The following LMNB1 variants were observed in gnomAD, a reference collection of about 807,000 sequenced individuals.
The protein encoded by LMNB1 is lamin-B1.
A neutral mutation model predicts 67.1 loss-of-function variants in LMNB1; 23 were observed. The ratio of observed to expected loss-of-function variants is 0.34; its 90% confidence interval spans 0.25 to 0.49. The LOEUF (loss-of-function observed/expected upper bound fraction) is 0.49, where lower values mean the gene tolerates loss of function less well. LMNB1 is among the 20% of genes least tolerant of loss of function. LMNB1 has a pLI of 0.99. For missense variants in LMNB1, 634 were observed against 746.5 expected (o/e 0.85, Z 1.76); for synonymous variants, 281 against 282.9 (o/e 0.99, Z 0.07).
chr5:126,801,818 A>G (rs1279598865), intron 1 of LMNB1, among the ~76,000 whole-genome samples: 3 of 152,252 alleles, frequency 2.0e-5, no homozygotes, highest in African/African-American at 7.2e-5. Context: ...GTACCACATT[A>G]TGACCTGAGC....
At chr5:126,833,810 A>G (rs1752188848) in intron 10 of LMNB1, among the ~76,000 whole-genome samples, 1 of 152,224 alleles carries the variant, frequency 6.6e-6, no homozygotes, top group South Asian at 2.1e-4. Flanking sequence ...CCAGCAGAGT[A>G]GTTGAGAAGA....
intron 3 of LMNB1, among the ~76,000 whole-genome samples, chr5:126,809,195 G>A (rs966484215): frequency 3.9e-5 from 6 of 152,104 alleles, no homozygotes; most frequent in Non-Finnish European, 1.5e-5. Flanking sequence ...ATTTTATTTA[G>A]ACACTTCCTT....
chr5:126,822,576 C>T (rs916796567), intron 7 of LMNB1, among the ~76,000 whole-genome samples: 1 of 152,174 alleles, frequency 6.6e-6, no homozygotes, highest in African/African-American at 2.4e-5. Flanking sequence ...AAGTCAAGTA[C>T]CTTACTAATT....
chr5:126,806,801 C>T (rs531411892), intron 3 of LMNB1, among the ~76,000 whole-genome samples: 3 of 150,690 alleles, frequency 2.0e-5, no homozygotes, highest in Non-Finnish European at 4.4e-5. Flanking sequence ...TTTTGAGACA[C>T]GAGACCCGCT....
At chr5:126,822,703 A>G (rs1215288816) in intron 7 of LMNB1, 78 bp from the exon 8 acceptor site, 11 of 850,462 alleles carry the variant, frequency 1.3e-5, no homozygotes, top group African/African-American at 1.0e-4. Flanking sequence ...AACTGCCTGT[A>G]TGGATTAATT....
chr5:126,790,144 C>G (rs546212529), intron 1 of LMNB1, among the ~76,000 whole-genome samples: 1 of 152,236 alleles, frequency 6.6e-6, no homozygotes, highest in East Asian at 1.9e-4. Context: ...CTCTGTTGCC[C>G]AGACTGGAGA....
chr5:126,832,824 T>C (rs1491000919), intron 10 of LMNB1, 23 bp downstream of exon 10: 8 of 1,429,402 alleles, frequency 5.6e-6, no homozygotes, highest in Non-Finnish European at 5.7e-6. Flanking sequence ...TTATTTAATA[T>C]ATTTATTTCA....
intron 8 of LMNB1, 56 bp downstream of exon 8, chr5:126,822,941 A>T (rs1751905703): frequency 8.4e-7 from 1 of 1,185,140 alleles, no homozygotes. Flanking sequence ...TAACAAAGTA[A>T]CTCAAAAAGT....
intron 1 of LMNB1, among the ~76,000 whole-genome samples, chr5:126,791,945 G>A (rs906354507): frequency 2.6e-5 from 4 of 151,294 alleles, no homozygotes; most frequent in Non-Finnish European, 5.9e-5. Flanking sequence ...ATGACACCGG[G>A]CTGATTTTCG....
At chr5:126,810,071 C>T (rs1191424040) in intron 3 of LMNB1, 109 bp from the exon 4 acceptor site, 3 of 997,924 alleles carry the variant, frequency 3.0e-6, no homozygotes, top group Non-Finnish European at 4.4e-6. Context: ...TGAGGACAAA[C>T]AGGAGGAAGT....
rs143114145 is a variant in LMNB1, at chr5:126,784,958, C to T, written c.359+7091C>T. On this transcript the variant is annotated intron_variant, in intron 1 of 10. Transcript: ENST00000261366. ...ATTACAGGCGTAAGCCACTGCCCTC[C>T]GCCCGAATTTTTAAAAATTAATTTT... is the stretch of plus-strand genomic sequence containing the variant. Among the ~76,000 whole-genome samples the T allele has an allele frequency of 8.5e-3, 1,207 of 141,172 alleles. 5 individuals carry two copies. The highest frequency in any genetic ancestry group is 0.013 in the Non-Finnish European group (877 of 65,014). 92.6% of individuals were successfully genotyped at this position (141,172 alleles called of 152,430 possible).
chr5:126,821,229 A>G lies in LMNB1; in HGVS notation c.1386+94A>G, dbSNP rs190307548. 4.0e-5 allele frequency: 31 copies of G among 767,124 alleles called. No individual in the cohort carries two copies. The Admixed American group carries it at 4.1e-4, about 10-fold the overall frequency. The allele number at this position is 767,124 out of a possible 1,614,324, so 47.5% of individuals were successfully genotyped here. ...AGCTCCTTAGTTTTTGTTTGGATTC[A>G]TTACGTCTTCATGGAATAAGGGTTT... On this transcript the variant is annotated intron_variant, in intron 7 of 10. Transcript: ENST00000261366.
chr5:126,836,075 A>G, intron 10 of LMNB1, 148 bp from the exon 11 acceptor site: 1 of 620,710 alleles, frequency 1.6e-6, no homozygotes. Context: ...AAAAAAGAAA[A>G]GGTTAGAAAA....
intron 8 of LMNB1, 98 bp downstream of exon 8, chr5:126,822,983 G>A: frequency 1.4e-6 from 1 of 718,752 alleles, no homozygotes; most frequent in Non-Finnish European, 2.4e-6. Context: ...TTTTAGAAAT[G>A]GCCGTTAAAG....
chr5:126,807,972 A>G (rs1159580455), intron 3 of LMNB1, among the ~76,000 whole-genome samples: 2 of 151,718 alleles, frequency 1.3e-5, no homozygotes, highest in Non-Finnish European at 2.9e-5. Flanking sequence ...CCTGGGTTCA[A>G]GCGATTCTTC....
chr5:126,797,585 A>G (rs1381858666), intron 1 of LMNB1, among the ~76,000 whole-genome samples: 1 of 152,214 alleles, frequency 6.6e-6, no homozygotes, highest in African/African-American at 2.4e-5. Context: ...CAGCAAGTCC[A>G]TGTATGTATG....
chr5:126,819,050 G>T lies in LMNB1; in HGVS notation c.1068G>T (p.Gln356His). The T allele has an allele frequency of 6.2e-7, 1 of 1,614,164 alleles. No homozygotes were observed. The highest frequency in any genetic ancestry group is 1.1e-5 in the South Asian group (1 of 91,082). Residue 356 changes from glutamine (Q) to histidine (H), a missense_variant, in exon 6 of 11, where the codon CAG (glutamine) becomes CAT (histidine). By Grantham distance (24) the Gln-to-His change is conservative (BLOSUM62 0). Transcript: ENST00000261366. ...AAATAAGGGATCAAATGCAGCAACA[G>T]CTGAATGACTATGAACAGCTTCTTG... ...MAEIRDQMQQ[Q>H]LNDYEQLLDV...
At chr5:126,812,022 G>A (rs765720961) in intron 5 of LMNB1, 124 bp downstream of exon 5, 5 of 903,698 alleles carry the variant, frequency 5.5e-6, no homozygotes, top group Non-Finnish European at 8.4e-6. Context: ...GTGTCATCCT[G>A]TGCTTTCGTC....
At chr5:126,787,460 T>TATACTTTATGTATATGTTATATATAAC in intron 1 of LMNB1, among the ~76,000 whole-genome samples, 2 of 148,352 alleles carry the variant, frequency 1.3e-5, no homozygotes, top group Admixed American at 6.8e-5. Context: ...ATATATAACA[T>TATACTTTATGTATATGTTATATATAAC]ATACTTTATG....
Sources: allele counts gnomAD v4.1 joint callset (sites outside exome capture counted in the v4.1 genomes callset), GRCh38; gene constraint gnomAD v4.1.1; transcripts MANE v1.5; gene names NCBI Gene and HGNC (gene_info 2026-07-23, HGNC 2026-07-21).